CRLS1: variants seen among roughly 807,000 people sequenced by gnomAD.
CRLS1 encodes the protein cardiolipin synthase 1.
Under a neutral mutation model 37.0 loss-of-function variants are expected in CRLS1, and 24 were observed. The ratio of observed to expected loss-of-function variants is 0.65; its 90% CI spans 0.47 to 0.91. CRLS1 has a LOEUF of 0.91. CRLS1 is among the 40% of genes least tolerant of loss of function. The pLI is 0.00. For synonymous variants in CRLS1, 135 were observed against 159.7 expected (o/e 0.85, Z 1.17); for missense variants, 373 against 395.8 (o/e 0.94, Z 0.49).
At chr20:6,019,742 A>C (rs1600368045) in intron 3 of CRLS1, among the ~76,000 whole-genome samples, 1 of 140,498 alleles carries the variant, frequency 7.1e-6, no homozygotes, top group Middle Eastern at 3.8e-3. Flanking sequence ...GCTCACTGCA[A>C]CCTCTGCCTC....
chr20:6,032,906 T>C (rs1417998374), intron 5 of CRLS1, among the ~76,000 whole-genome samples: 1 of 151,738 alleles, frequency 6.6e-6, no homozygotes, highest in African/African-American at 2.4e-5. Flanking sequence ...ATGCATAGGG[T>C]TTGGGGTTTT....
At chr20:6,025,155 G>T (rs920525049) in intron 3 of CRLS1, among the ~76,000 whole-genome samples, 14 of 152,192 alleles carry the variant, frequency 9.2e-5, no homozygotes, top group African/African-American at 3.4e-4. Flanking sequence ...GCCCTCTAAA[G>T]CTTTCATAGG....
chr20:6,038,680 C>T lies in CRLS1; in HGVS notation c.*1522C>T, dbSNP rs1980743568. ...ACTGCTGAGCCACCCAAGAGGCACA[C>T]TGAGCATTAGTGACGGGTGAGCCAC... On this transcript the variant is annotated 3_prime_UTR_variant, in exon 7 of 7. Coordinates refer to ENST00000378863, the MANE Select transcript of CRLS1 (RefSeq NM_019095.6). 6.6e-6 allele frequency: 1 copy of T among 152,248 alleles called. No homozygotes were observed. The highest frequency in any genetic ancestry group is 2.4e-5 in the African/African-American group (1 of 41,464). 9.4% of individuals were successfully genotyped at this position (152,248 alleles called of 1,614,324 possible).
chr20:6,031,833 G>A lies in CRLS1; in HGVS notation c.661-179G>A, dbSNP rs115765699. ...AAACTATATGATAGGTATTGTGTTCGAATTTTACAGCAATTGAAAAATCTA... is the reference window on the plus strand; with the variant it reads ...AAACTATATGATAGGTATTGTGTTCAAATTTTACAGCAATTGAAAAATCTA... On this transcript the variant is annotated intron_variant, in intron 4 of 6. Coordinates refer to ENST00000378863, the MANE Select transcript of CRLS1 (RefSeq NM_019095.6). Among the ~76,000 whole-genome samples the A allele has an allele frequency of 8.5e-3, 1,292 of 152,114 alleles. 18 individuals are homozygous for A. Among genetic ancestry groups the A allele is most frequent in the African/African-American group, 0.03 (1,229 of 41,510 alleles).
Position 6,006,239 on chromosome 20 carries a change from G to T in CRLS1, c.-8G>T. Reference sequence around the variant, plus strand: ...CCGCCCGAGACCCCGCGGCGCGGCCGCAGGGCCATGCTAGCCTTGCGCGTG... The same window carrying T: ...CCGCCCGAGACCCCGCGGCGCGGCCTCAGGGCCATGCTAGCCTTGCGCGTG... On this transcript the variant is annotated 5_prime_UTR_variant, in exon 1 of 7. Transcript: ENST00000378863. The T allele has an allele frequency of 8.2e-7, 1 of 1,224,264 alleles. No homozygotes were observed. The highest frequency in any genetic ancestry group is 1.0e-6 in the Non-Finnish European group (1 of 983,128). The allele number at this position is 1,224,264 out of a possible 1,614,324, so 75.8% of individuals were successfully genotyped here. A position where few individuals can be genotyped will look rare whatever the true frequency, so the allele number is the denominator to read the frequency against.
At chr20:6,020,051 G>A (rs937468829) in intron 3 of CRLS1, among the ~76,000 whole-genome samples, 50 of 152,022 alleles carry the variant, frequency 3.3e-4, no homozygotes, top group African/African-American at 1.2e-3. Flanking sequence ...ATTTTTAGTA[G>A]TTTTTAAAAA....
At chr20:6,020,218 T>C (rs2122966460) in intron 3 of CRLS1, among the ~76,000 whole-genome samples, 1 of 152,322 alleles carries the variant, frequency 6.6e-6, no homozygotes, top group South Asian at 2.1e-4. Flanking sequence ...GATACCTAAC[T>C]TGTTTTTCAG....
Position 6,032,140 on chromosome 20 carries a change from T to C in CRLS1, c.729+60T>C. ...TTGTAAATTTTTATTATACAGGATA[T>C]AAACCTTAGTCAAGAACAGCTGAAA... On this transcript the variant is annotated intron_variant, in intron 5 of 6. Transcript: ENST00000378863. The C allele has an allele frequency of 3.1e-6, 4 of 1,306,040 alleles. No individual in the cohort carries two copies. In the East Asian group the frequency reaches 9.3e-5, roughly 30 times the overall value. The allele number at this position is 1,306,040 out of a possible 1,614,324, so 80.9% of individuals were successfully genotyped here.
chr20:6,006,988 A>C (rs6139888), intron 1 of CRLS1, among the ~76,000 whole-genome samples: 72,596 of 152,028 alleles, frequency 0.48, 17,691 homozygotes, highest in Middle Eastern at 0.58. Flanking sequence ...ACCTTTGGTA[A>C]CCTTACACAT....
chr20:6,032,904 G>C (rs1034675407), intron 5 of CRLS1, among the ~76,000 whole-genome samples: 2 of 151,822 alleles, frequency 1.3e-5, no homozygotes, highest in Non-Finnish European at 2.9e-5. Context: ...ACATGCATAG[G>C]GTTTGGGGTT....
At chr20:6,015,218 A>G in intron 2 of CRLS1, 143 bp from the exon 3 acceptor site, 1 of 472,366 alleles carries the variant, frequency 2.1e-6, no homozygotes, top group South Asian at 5.1e-5. Context: ...AAGAATGAGA[A>G]TGTTTGGGGG....
In CRLS1 at chr20:6,037,192, G is replaced by A; in HGVS notation, c.*34G>A. On this transcript the variant is annotated 3_prime_UTR_variant, in exon 7 of 7. Transcript: ENST00000378863. ...ATCCCTCACTGTTAGTAAGGAAGCAGTATACATCAATGGGAACAGGGCCCA... is the reference window on the plus strand; with the variant it reads ...ATCCCTCACTGTTAGTAAGGAAGCAATATACATCAATGGGAACAGGGCCCA... The A allele has an allele frequency of 3.3e-6, 5 of 1,507,468 alleles. No individual in the cohort carries two copies. Among genetic ancestry groups the A allele is most frequent in the Non-Finnish European group, 4.6e-6 (5 of 1,084,876 alleles). The allele number at this position is 1,507,468 out of a possible 1,614,324, so 93.4% of individuals were successfully genotyped here.
At chr20:6,012,613 A>C (rs1467974633) in intron 2 of CRLS1, among the ~76,000 whole-genome samples, 1 of 152,152 alleles carries the variant, frequency 6.6e-6, no homozygotes, top group Non-Finnish European at 1.5e-5. Context: ...AGTAGGGCAG[A>C]GTTTAAGGGA....
rs187943403 is a variant in CRLS1 at position 6,022,435 on chromosome 20, C to T, written c.574+6945C>T. ...CTCACTGCATTCTCTGCCTCCCGGG[C>T]TCAAGCAGTCCTCCTACCTCAGCCT... is the stretch of plus-strand genomic sequence containing the variant. On this transcript the variant is annotated intron_variant, in intron 3 of 6. Coordinates refer to ENST00000378863, the MANE Select transcript of CRLS1 (RefSeq NM_019095.6). 3.0e-3 allele frequency among the ~76,000 whole-genome samples: 452 copies of T among 149,560 alleles called. 2 individuals carry two copies. The highest frequency in any genetic ancestry group is 9.8e-3 in the African/African-American group (398 of 40,642).
rs1980630174 is a variant in CRLS1 at position 6,037,316 on chromosome 20, A to G, written c.*158A>G. 2 of 414,340 alleles carry G rather than the reference A, an allele frequency of 4.8e-6. No homozygotes were observed. 25.7% of individuals were successfully genotyped at this position (414,340 alleles called of 1,614,324 possible). A position where few individuals can be genotyped will look rare whatever the true frequency, so the allele number is the denominator to read the frequency against. The stretch of plus-strand genomic sequence containing the variant: ...AAAATTTAAGTAATGTGCATTGAAA[A>G]TAAGGTTGATCATGGGAATATGCAG... On this transcript the variant is annotated 3_prime_UTR_variant, in exon 7 of 7. Coordinates refer to ENST00000378863, the MANE Select transcript of CRLS1 (RefSeq NM_019095.6).
intron 1 of CRLS1, 146 bp downstream of exon 1, chr20:6,006,698 C>T: frequency 8.3e-7 from 1 of 1,210,204 alleles, no homozygotes; most frequent in African/African-American, 1.6e-5. Context: ...ACTGGCAGGT[C>T]ATTCGGTCGG....
chr20:6,006,494 C>A lies in CRLS1; in HGVS notation c.248C>A (p.Ala83Glu). ...GCGGCTCCCAGGCCAGCGGCCGGAGCGGGCGCCGCTGCCGAAGCCCCGGGC... is the reference window on the plus strand; with the variant it reads ...GCGGCTCCCAGGCCAGCGGCCGGAGAGGGCGCCGCTGCCGAAGCCCCGGGC... ...GKAAPRPAAG[A>E]GAAAEAPGGQ... Residue 83 changes from alanine to glutamate, a missense_variant, in exon 1 of 7, where the codon GCG becomes GAG. Ala to Glu is a moderately radical substitution (Grantham distance 107). Transcript: ENST00000378863. 7.3e-7 allele frequency: 1 copy of A among 1,365,372 alleles called. No individual in the cohort carries two copies. The highest frequency in any genetic ancestry group is 1.8e-5 in the South Asian group (1 of 56,808). 84.6% of individuals were successfully genotyped at this position (1,365,372 alleles called of 1,614,324 possible). A position where few individuals can be genotyped will look rare whatever the true frequency, so the allele number is the denominator to read the frequency against.
chr20:6,014,758 A>G (rs1363529985), intron 2 of CRLS1, among the ~76,000 whole-genome samples: 3 of 152,220 alleles, frequency 2.0e-5, no homozygotes, highest in African/African-American at 7.2e-5. Flanking sequence ...ACTAGCAACT[A>G]GATGTGACTT....
upstream of CRLS1, chr20:6,006,085 C>A: frequency 2.5e-6 from 1 of 392,474 alleles, no homozygotes; most frequent in South Asian, 1.4e-4. Context: ...CGGCTTCCTG[C>A]CACCTGTATA....
Sources: allele counts gnomAD v4.1 joint callset (sites outside exome capture counted in the v4.1 genomes callset), GRCh38; gene constraint gnomAD v4.1.1; transcripts MANE v1.5; gene names NCBI Gene and HGNC (gene_info 2026-07-23, HGNC 2026-07-21).